The following FXR1 variants were observed in gnomAD, a reference collection of about 807,000 sequenced individuals.
FXR1 encodes the protein RNA-binding protein FXR1.
Under a neutral mutation model 84.0 loss-of-function variants are expected in FXR1, and 15 were observed. That is an observed-to-expected ratio of 0.18 (90% CI 0.12 to 0.27). The LOEUF is 0.27. Ranked by LOEUF, FXR1 falls within the 10% of genes least tolerant of loss-of-function variation. The pLI is 1.00. For synonymous variants in FXR1, 245 were observed against 250.7 expected (o/e 0.98, Z 0.21); for missense variants, 480 against 774.4 (o/e 0.62, Z 4.51).
chr3:180,926,506 A>ATATATATATTTTTT (rs72192827), intron 1 of FXR1, among the ~76,000 whole-genome samples: 2 of 124,392 alleles, frequency 1.6e-5, no homozygotes, highest in African/African-American at 5.8e-5. Flanking sequence ...ATATATATAT[A>ATATATATATTTTTT]TTTTTTTTTC....
intron 1 of FXR1, among the ~76,000 whole-genome samples, chr3:180,916,986 C>A (rs1186852515): frequency 6.6e-6 from 1 of 152,110 alleles, no homozygotes; most frequent in Non-Finnish European, 1.5e-5. Flanking sequence ...AGGGACGCAC[C>A]ACCACGCCCA....
At chr3:180,949,825 G>A (rs1237780899) in intron 7 of FXR1, among the ~76,000 whole-genome samples, 2 of 152,176 alleles carry the variant, frequency 1.3e-5, no homozygotes, top group Non-Finnish European at 2.9e-5. Context: ...TTTCCTTTGC[G>A]AAATGCCTGT....
chr3:180,951,640 G>T (rs1722240222), intron 8 of FXR1, among the ~76,000 whole-genome samples, 172 bp downstream of exon 8: 1 of 152,194 alleles, frequency 6.6e-6, no homozygotes, highest in Non-Finnish European at 1.5e-5. Flanking sequence ...AGTTAACTTT[G>T]TATTGAGGGG....
At chr3:180,948,141 G>A (rs141441068) in intron 4 of FXR1, 4 of 612,176 alleles carry the variant, frequency 6.5e-6, no homozygotes, top group Non-Finnish European at 1.2e-5. Flanking sequence ...TACACCTCAA[G>A]CATGTAAGGA....
intron 4 of FXR1, 31 bp from the exon 5 acceptor site, chr3:180,948,316 G>A (rs1721898633): frequency 6.7e-7 from 1 of 1,502,212 alleles, no homozygotes; most frequent in Non-Finnish European, 9.2e-7. Flanking sequence ...TTGTTCAGAT[G>A]GGATTTTTAA....
At chr3:180,941,609 A>T (rs16832193) in intron 3 of FXR1, among the ~76,000 whole-genome samples, 4,863 of 152,258 alleles carry the variant, frequency 0.032, 258 homozygotes, top group African/African-American at 0.11. Flanking sequence ...AGTTTTTCTC[A>T]TCATACCAAG....
intron 1 of FXR1, among the ~76,000 whole-genome samples, chr3:180,925,377 A>ATTG (rs1719052208): frequency 6.6e-6 from 1 of 150,810 alleles, no homozygotes. Context: ...AAAAAAAAGT[A>ATTG]CATTCCTCTG....
intron 1 of FXR1, among the ~76,000 whole-genome samples, chr3:180,921,179 G>A (rs1464049210): frequency 6.6e-6 from 1 of 151,810 alleles, no homozygotes; most frequent in East Asian, 1.9e-4. Context: ...AGACCAGCCC[G>A]GCCAACATGG....
In FXR1 at chr3:180,977,111, A is replaced by G. The variant is rs1714317265; in HGVS notation, c.*819A>G. 1.3e-5 allele frequency: 2 copies of G among 148,582 alleles called. No individual in the cohort carries two copies. Among genetic ancestry groups the G allele is most frequent in the African/African-American group, 2.5e-5 (1 of 40,006 alleles). The allele number at this position is 148,582 out of a possible 1,614,324, so 9.2% of individuals were successfully genotyped here. On this transcript the variant is annotated 3_prime_UTR_variant, in exon 17 of 17. Transcript: ENST00000357559. ...TTTTATTTCGGTTGTTTGATGTGCA[A>G]TATGTTTTTGTATGCAGGTAGTAAA...
chr3:180,946,587 G>A (rs750500873), intron 3 of FXR1, among the ~76,000 whole-genome samples: 3 of 152,102 alleles, frequency 2.0e-5, no homozygotes, highest in Non-Finnish European at 4.4e-5. Context: ...TGAGTTTAAC[G>A]GACCCTGATT....
chr3:180,941,661 G>C (rs3026193), intron 3 of FXR1, among the ~76,000 whole-genome samples: 2 of 152,186 alleles, frequency 1.3e-5, no homozygotes, highest in East Asian at 3.9e-4. Context: ...GGAAACGCTC[G>C]CACATAAAGG....
intron 2 of FXR1, 25 bp downstream of exon 2, chr3:180,933,411 C>G (rs1455057880): frequency 7.1e-7 from 1 of 1,415,474 alleles, no homozygotes; most frequent in East Asian, 2.3e-5. Flanking sequence ...TTGACAAAGG[C>G]CTTAATTTTA....
intron 3 of FXR1, among the ~76,000 whole-genome samples, chr3:180,937,528 A>G (rs1294145021): frequency 6.6e-6 from 1 of 152,110 alleles, no homozygotes; most frequent in Non-Finnish European, 1.5e-5. Flanking sequence ...TTTAAATTTC[A>G]CGTTATGTTT....
intron 9 of FXR1, among the ~76,000 whole-genome samples, chr3:180,956,531 T>C (rs1163898105): frequency 6.6e-6 from 1 of 152,186 alleles, no homozygotes; most frequent in Admixed American, 6.5e-5. Context: ...ATATGGTATG[T>C]CAACCTAATC....
Position 180,961,500 on chromosome 3 carries a change from A to C in FXR1, c.1023A>C (p.Lys341Asn). 2.5e-6 allele frequency: 4 copies of C among 1,576,122 alleles called. No individual in the cohort carries two copies. The highest frequency in any genetic ancestry group is 3.5e-6 in the Non-Finnish European group (4 of 1,145,768). Residue 341 changes from lysine (K) to asparagine (N), a missense_variant, in exon 11 of 17, where the codon AAA becomes AAC. Lys to Asn is a moderately conservative substitution (Grantham distance 94). This residue lies in a region of FXR1 where 33 missense variants were observed against 42.4 expected (regional missense o/e 0.78). Coordinates refer to ENST00000357559, the MANE Select transcript of FXR1 (RefSeq NM_005087.4). ...TTCCATTTGTATTTGTTGGCACTAA[A>C]GAAAGCATTGGAAATGTGCAGGTTC... is the stretch of plus-strand genomic sequence containing the variant. ...GMVPFVFVGT[K>N]ESIGNVQVLL...
chr3:180,929,875 T>C (rs1457109021), intron 1 of FXR1, among the ~76,000 whole-genome samples: 1 of 152,240 alleles, frequency 6.6e-6, no homozygotes, highest in Admixed American at 6.5e-5. Flanking sequence ...AGTAGGATGT[T>C]AGAAATCGTT....
At chr3:180,945,309 G>A (rs1721584004) in intron 3 of FXR1, among the ~76,000 whole-genome samples, 1 of 152,154 alleles carries the variant, frequency 6.6e-6, no homozygotes, top group African/African-American at 2.4e-5. Flanking sequence ...TCTTTTTCGA[G>A]TTACCTTTGT....
chr3:180,923,923 C>G (rs1718868739), intron 1 of FXR1, among the ~76,000 whole-genome samples: 1 of 152,056 alleles, frequency 6.6e-6, no homozygotes, highest in Non-Finnish European at 1.5e-5. Flanking sequence ...ACGATGATCA[C>G]CCAGATCTGG....
intron 13 of FXR1, 113 bp downstream of exon 13, chr3:180,963,203 G>T: frequency 1.7e-6 from 1 of 605,696 alleles, no homozygotes. Context: ...TTGGCTTTGA[G>T]GGTAGAAGGT....
Sources: allele counts gnomAD v4.1 joint callset (sites outside exome capture counted in the v4.1 genomes callset), GRCh38; gene constraint gnomAD v4.1.1; regional missense constraint gnomAD v4.1.1; transcripts MANE v1.5; gene names NCBI Gene and HGNC (gene_info 2026-07-23, HGNC 2026-07-21).